The following CTNNA3 variants were observed in gnomAD, a reference collection of about 807,000 sequenced individuals.
CTNNA3 encodes catenin alpha 3, also known as catenin alpha-3.
In CTNNA3, 76 loss-of-function variants were observed where a neutral mutation model predicts 95.7. That is an observed-to-expected ratio of 0.79 (90% CI 0.66 to 0.96). The LOEUF (loss-of-function observed/expected upper bound fraction) is 0.96. Among genes scored for constraint, CTNNA3 ranks in the 40% least tolerant of loss-of-function variants. CTNNA3 has a pLI of 0.00. For synonymous variants in CTNNA3, 431 were observed against 374.4 expected (o/e 1.15, Z -1.74); for missense variants, 1,191 against 1,089.8 (o/e 1.09, Z -1.31).
At chr10:67,340,980 T>A (rs1842163100) in intron 5 of CTNNA3, among the ~76,000 whole-genome samples, 1 of 151,812 alleles carries the variant, frequency 6.6e-6, no homozygotes, top group Non-Finnish European at 1.5e-5. Context: ...GACAAAGGAG[T>A]GTTAAGTCCT....
chr10:67,718,880 A>T (rs1287437050), intron 1 of CTNNA3, among the ~76,000 whole-genome samples: 1 of 152,180 alleles, frequency 6.6e-6, no homozygotes, highest in Non-Finnish European at 1.5e-5. Flanking sequence ...AAGGAATGGT[A>T]CCAGCTCCTC....
At chr10:67,217,554 C>A (rs918364088) in intron 6 of CTNNA3, among the ~76,000 whole-genome samples, 9 of 152,154 alleles carry the variant, frequency 5.9e-5, no homozygotes, top group African/African-American at 1.9e-4. Context: ...TGTTGCCCTG[C>A]CTATGCCCAC....
intron 15 of CTNNA3, among the ~76,000 whole-genome samples, chr10:65,998,504 A>T (rs1033965289): frequency 1.3e-5 from 2 of 152,142 alleles, no homozygotes; most frequent in Non-Finnish European, 2.9e-5. Flanking sequence ...GGTTTTAATT[A>T]TTAGATTTCT....
intron 1 of CTNNA3, among the ~76,000 whole-genome samples, chr10:67,679,851 G>A (rs1265790885): frequency 6.6e-6 from 1 of 152,100 alleles, no homozygotes; most frequent in African/African-American, 2.4e-5. Context: ...TTATATGCAC[G>A]AATTATTGAA....
At chr10:67,148,234 T>A (rs1860930621) in intron 7 of CTNNA3, among the ~76,000 whole-genome samples, 1 of 152,164 alleles carries the variant, frequency 6.6e-6, no homozygotes, top group Non-Finnish European at 1.5e-5. Context: ...AAACTGCCAT[T>A]CTCATTGCAT....
intron 11 of CTNNA3, among the ~76,000 whole-genome samples, chr10:66,458,307 C>G (rs554165593): frequency 1.4e-4 from 22 of 152,250 alleles, no homozygotes; most frequent in Middle Eastern, 6.8e-3. Flanking sequence ...TTGATATACT[C>G]AACGCCATAA....
intron 2 of CTNNA3, 81 bp from the exon 3 acceptor site, chr10:67,607,130 AAGACAGT>A: frequency 8.8e-7 from 1 of 1,142,280 alleles, no homozygotes. Flanking sequence ...ACCAGAACAA[AAGACAGT>A]ACAGTTGACA....
chr10:67,391,210 C>G (rs1241506232), intron 5 of CTNNA3, among the ~76,000 whole-genome samples: 1 of 152,084 alleles, frequency 6.6e-6, no homozygotes, highest in Non-Finnish European at 1.5e-5. Flanking sequence ...AGCAAAGTCT[C>G]AGGATACAAA....
chr10:67,726,441 T>TATTATATATTATATATA (rs1345393945), intron 1 of CTNNA3, among the ~76,000 whole-genome samples: 3 of 72,442 alleles, frequency 4.1e-5, no homozygotes, highest in Admixed American at 2.6e-4. Context: ...TCATATATAA[T>TATTATATATTATATATA]ATATAATATT....
At chr10:66,971,502 C>T (rs1564803585) in intron 7 of CTNNA3, among the ~76,000 whole-genome samples, 1 of 152,118 alleles carries the variant, frequency 6.6e-6, no homozygotes, top group Non-Finnish European at 1.5e-5. Flanking sequence ...CCCAATTGTA[C>T]TCTTTATAAT....
intron 1 of CTNNA3, among the ~76,000 whole-genome samples, chr10:67,672,532 T>G (rs572922941): frequency 1.1e-4 from 17 of 152,322 alleles, no homozygotes; most frequent in African/African-American, 3.8e-4. Context: ...GAATTAATTT[T>G]TGTATAAGGT....
At chr10:67,339,779 T>C (rs1371302951) in intron 5 of CTNNA3, among the ~76,000 whole-genome samples, 2 of 152,182 alleles carry the variant, frequency 1.3e-5, no homozygotes, top group Non-Finnish European at 2.9e-5. Flanking sequence ...ATGTAACATA[T>C]CTCTAAGAAA....
At chr10:66,774,790 G>A (rs982566870) in intron 8 of CTNNA3, among the ~76,000 whole-genome samples, 1 of 152,154 alleles carries the variant, frequency 6.6e-6, no homozygotes, top group Non-Finnish European at 1.5e-5. Context: ...TTTGAAAATA[G>A]CTAAGTCTTC....
chr10:66,153,003 G>T (rs779947643), intron 13 of CTNNA3, among the ~76,000 whole-genome samples: 2 of 151,620 alleles, frequency 1.3e-5, no homozygotes, highest in Non-Finnish European at 2.9e-5. Context: ...GACAACTTGG[G>T]CTCTGTTGAT....
intron 4 of CTNNA3, among the ~76,000 whole-genome samples, chr10:67,530,890 C>A (rs1402477951): frequency 6.6e-6 from 1 of 152,178 alleles, no homozygotes; most frequent in Non-Finnish European, 1.5e-5. Flanking sequence ...AGCCCTTTGT[C>A]CCAGCTGCTC....
chr10:66,868,388 A>T (rs965835007), intron 7 of CTNNA3, among the ~76,000 whole-genome samples: 4 of 151,792 alleles, frequency 2.6e-5, no homozygotes, highest in African/African-American at 7.3e-5. Context: ...AAAAATAAAA[A>T]AAACTGTAAT....
At chr10:67,169,373 C>T (rs190804681) in intron 7 of CTNNA3, among the ~76,000 whole-genome samples, 1 of 152,166 alleles carries the variant, frequency 6.6e-6, no homozygotes, top group Non-Finnish European at 1.5e-5. Context: ...ATCACGTTAC[C>T]CAACTTCAAA....
chr10:66,168,357 A>AT (rs34153544), intron 13 of CTNNA3, among the ~76,000 whole-genome samples: 3 of 151,680 alleles, frequency 2.0e-5, no homozygotes, highest in Non-Finnish European at 4.4e-5. Flanking sequence ...TCCATTTATT[A>AT]TTTTTTTTTA....
chr10:66,803,876 T>G (rs1841533119), intron 7 of CTNNA3, among the ~76,000 whole-genome samples: 1 of 152,068 alleles, frequency 6.6e-6, no homozygotes. Context: ...GAATAATGAT[T>G]GCATTTAACT....
Sources: gnomAD v4.1 joint callset for allele counts (sites outside exome capture counted in the v4.1 genomes callset) on GRCh38, gnomAD v4.1.1 for gene constraint, MANE v1.5 for transcripts, NCBI Gene and HGNC (gene_info 2026-07-23, HGNC 2026-07-21) for gene names.